The following GPC1 variants were observed in gnomAD, a reference collection of about 807,000 sequenced individuals.
The protein encoded by GPC1 is glypican 1.
GPC1 carries 26 observed loss-of-function variants against 51.5 expected under a neutral mutation model. The observed-to-expected ratio is 0.50, with a 90% CI of 0.37 to 0.70. GPC1 has a LOEUF of 0.70. GPC1 is among the 30% of genes least tolerant of loss of function. The probability of loss-of-function intolerance (pLI) is 0.00; values close to 1 mark genes in which losing one functional copy is unlikely to be tolerated. For synonymous variants in GPC1, 380 were observed against 348.3 expected, an observed-to-expected ratio of 1.09 and a Z score of -1.01; for missense variants, 775 against 800.5, an observed-to-expected ratio of 0.97 and a Z score of 0.38.
In GPC1 at chr2:240,466,115, G is replaced by T; in HGVS notation, c.1502G>T (p.Arg501Leu). ...GDGCLDDLCS[R>L]KVSRKSSSSR... ...GGCTGTCTGGATGACCTCTGCAGCC[G>T]GAAGGTCAGCAGGAAGAGCTCCAGC... Residue 501 changes from arginine (R) to leucine (L), a missense_variant, in exon 9 of 9, where the codon CGG becomes CTG. Transcript: ENST00000264039. 6.2e-7 allele frequency: 1 copy of T among 1,612,864 alleles called. No individual in the cohort carries two copies. The highest frequency in any genetic ancestry group is 8.5e-7 in the Non-Finnish European group (1 of 1,179,844).
intron 1 of GPC1, among the ~76,000 whole-genome samples, chr2:240,437,628 GTTGGGTTCGTTCTCT>G: frequency 6.6e-6 from 1 of 152,318 alleles, no homozygotes; most frequent in South Asian, 2.1e-4. Flanking sequence ...CCTCGGCACA[GTTGGGTTCGTTCTCT>G]GCCCCTCTAC....
At chr2:240,460,499 T>C (rs11894682) in intron 2 of GPC1, among the ~76,000 whole-genome samples, 1 of 151,952 alleles carries the variant, frequency 6.6e-6, no homozygotes, top group African/African-American at 2.4e-5. Context: ...CCTTCCCCTC[T>C]CCTGCTAATA....
chr2:240,455,254 A>T (rs1279823980), intron 1 of GPC1, among the ~76,000 whole-genome samples: 3 of 152,200 alleles, frequency 2.0e-5, no homozygotes, highest in Admixed American at 1.3e-4. Context: ...CCCCAAAAAA[A>T]TCCTCAGAGC....
intron 1 of GPC1, among the ~76,000 whole-genome samples, chr2:240,444,284 C>G (rs947083187): frequency 1.6e-4 from 25 of 152,182 alleles, no homozygotes; most frequent in Admixed American, 6.5e-5. Flanking sequence ...GTGAGCTGGG[C>G]GGGCCAGGAA....
At chr2:240,454,899 GA>G (rs1361535359) in intron 1 of GPC1, 1 of 210,320 alleles carries the variant, frequency 4.8e-6, no homozygotes, top group Non-Finnish European at 1.1e-5. Flanking sequence ...CATCATTGGG[GA>G]TGGGGGCCAC....
chr2:240,464,793 A>G, intron 5 of GPC1, 47 bp downstream of exon 5: 1 of 1,576,240 alleles, frequency 6.3e-7, no homozygotes, highest in African/African-American at 1.3e-5. Context: ...GGGGTCCTGG[A>G]TGTGGCCCCA....
intron 1 of GPC1, chr2:240,450,045 T>A (rs1025015457): frequency 5.2e-6 from 2 of 383,220 alleles, no homozygotes; most frequent in Non-Finnish European, 1.0e-5. Context: ...CTGCTTCCAG[T>A]TCTTTGGGGC....
chr2:240,451,604 G>A, intron 1 of GPC1: 1 of 249,450 alleles, frequency 4.0e-6, no homozygotes, highest in South Asian at 4.2e-5. Flanking sequence ...CTCATCCTGG[G>A]TTCGAAGAGT....
intron 1 of GPC1, among the ~76,000 whole-genome samples, chr2:240,455,825 G>A (rs1337523700): frequency 1.3e-5 from 2 of 152,222 alleles, no homozygotes; most frequent in East Asian, 3.9e-4. Flanking sequence ...ACCACAACCT[G>A]TGGCCCCGGC....
chr2:240,464,469 A>G (rs2074243007), intron 4 of GPC1, 147 bp from the exon 5 acceptor site: 1 of 1,078,588 alleles, frequency 9.3e-7, no homozygotes, highest in Admixed American at 1.9e-5. Flanking sequence ...ACACGGGCCA[A>G]CCTGAGTGCA....
intron 1 of GPC1, among the ~76,000 whole-genome samples, chr2:240,447,315 A>G (rs981957890): frequency 1.9e-4 from 29 of 152,190 alleles, no homozygotes; most frequent in African/African-American, 6.8e-4. Context: ...GACACAGCAA[A>G]GTCCCTGTAC....
Position 240,462,435 on chromosome 2 carries a change from CT to C in GPC1, c.571del (p.Cys191AlafsTer61). The stretch of plus-strand genomic sequence containing the variant: ...TGCTGCTGCCTGATGACTACCTGGA[CT>C]GCCTGGGCAAGCAGGCCGAGGCGCT... ...QLLLPDDYLD[C>X]LGKQAEALRP... is the part of the protein sequence containing the mutation. On this transcript the variant is annotated frameshift_variant, in exon 3 of 9. Coordinates refer to ENST00000264039, the MANE Select transcript of GPC1 (RefSeq NM_002081.3). LOFTEE classifies it high-confidence loss of function. 6.2e-7 allele frequency: 1 copy of C among 1,606,416 alleles called. No homozygotes were observed. The highest frequency in any genetic ancestry group is 8.5e-7 in the Non-Finnish European group (1 of 1,177,104).
chr2:240,461,155 A>G (rs1403506620), intron 2 of GPC1, among the ~76,000 whole-genome samples: 5 of 152,200 alleles, frequency 3.3e-5, no homozygotes, highest in Non-Finnish European at 7.4e-5. Flanking sequence ...CCAGGACCCA[A>G]GGTGGACACT....
chr2:240,454,196 G>A (rs972691612), intron 1 of GPC1, among the ~76,000 whole-genome samples: 78 of 152,312 alleles, frequency 5.1e-4, no homozygotes, highest in African/African-American at 1.7e-3. Flanking sequence ...TGGGGCCAAG[G>A]CTGCCTCTGG....
intron 1 of GPC1, among the ~76,000 whole-genome samples, chr2:240,457,710 C>A (rs573511714): frequency 6.6e-6 from 1 of 152,276 alleles, no homozygotes; most frequent in South Asian, 2.1e-4. Context: ...GCTGACCCCG[C>A]CCTCGGTCCC....
chr2:240,447,235 A>T (rs546497596), intron 1 of GPC1, among the ~76,000 whole-genome samples: 1 of 152,122 alleles, frequency 6.6e-6, no homozygotes, highest in South Asian at 2.1e-4. Context: ...GATGACCCCC[A>T]TGTTCGTTCC....
At chr2:240,436,664 G>A (rs1352565288) in intron 1 of GPC1, among the ~76,000 whole-genome samples, 2 of 152,272 alleles carry the variant, frequency 1.3e-5, no homozygotes, top group African/African-American at 2.4e-5. Flanking sequence ...CCCCCTCGGG[G>A]GGTAGTGCGG....
At position 240,445,791 on chromosome 2, in the gene GPC1, T is replaced by C. The variant is rs75592727; in HGVS notation, c.166+9707T>C. Among the ~76,000 whole-genome samples the C allele has an allele frequency of 3.4e-3, 516 of 152,282 alleles. 3 individuals carry two copies. Among genetic ancestry groups the C allele is most frequent in the African/African-American group, 0.012 (489 of 41,552 alleles). ...CTTGGTCACCAGTAGACGTCGCCGCTGTTTATGCCCCTCCACGTTCGTAGC... is the reference window on the plus strand; with the variant it reads ...CTTGGTCACCAGTAGACGTCGCCGCCGTTTATGCCCCTCCACGTTCGTAGC... On this transcript the variant is annotated intron_variant, in intron 1 of 8. Transcript: ENST00000264039.
At chr2:240,459,251 C>A in intron 2 of GPC1, 63 bp downstream of exon 2, 1 of 1,470,628 alleles carries the variant, frequency 6.8e-7, no homozygotes, top group Non-Finnish European at 9.3e-7. Context: ...GAGGGGCACA[C>A]TGGGCCTTGC....
Sources: gnomAD v4.1 joint callset for allele counts (sites outside exome capture counted in the v4.1 genomes callset) on GRCh38, gnomAD v4.1.1 for gene constraint, MANE v1.5 for transcripts, NCBI Gene and HGNC (gene_info 2026-07-23, HGNC 2026-07-21) for gene names.